Variants in TBC1D8 observed in about 807,000 individuals in gnomAD.
TBC1D8 encodes BUB2-like protein 1.
A neutral mutation model predicts 118.8 loss-of-function variants in TBC1D8; 65 were observed. The observed-to-expected ratio is 0.55, with a 90% CI of 0.45 to 0.67. The LOEUF (loss-of-function observed/expected upper bound fraction) is 0.67, where lower values mean the gene tolerates loss of function less well. TBC1D8 is among the 30% of genes least tolerant of loss of function. TBC1D8 has a pLI of 0.00. For synonymous variants in TBC1D8, 566 were observed against 595.8 expected (o/e 0.95, Z 0.73); for missense variants, 1,376 against 1,471.2 (o/e 0.94, Z 1.06).
chr2:101,085,565 G>A (rs1186145537), intron 2 of TBC1D8, among the ~76,000 whole-genome samples: 2 of 152,124 alleles, frequency 1.3e-5, no homozygotes, highest in South Asian at 2.1e-4. Flanking sequence ...CCGGGATAAC[G>A]ATGCCCAAGC....
intron 1 of TBC1D8, among the ~76,000 whole-genome samples, chr2:101,110,703 G>A (rs930222377): frequency 6.6e-6 from 1 of 152,128 alleles, no homozygotes; most frequent in African/African-American, 2.4e-5. Flanking sequence ...CAGGCCAGGC[G>A]CGGTGTCTCA....
intron 15 of TBC1D8, among the ~76,000 whole-genome samples, chr2:101,023,346 GT>G (rs1680155527): frequency 6.6e-6 from 1 of 151,746 alleles, no homozygotes; most frequent in South Asian, 2.1e-4. Flanking sequence ...GGGTTTCACC[GT>G]GTCAGCCAGG....
At chr2:101,150,990 C>T in intron 1 of TBC1D8, 137 bp downstream of exon 1, 1 of 602,816 alleles carries the variant, frequency 1.7e-6, no homozygotes, top group Non-Finnish European at 2.1e-6. Flanking sequence ...GAAAACAAGC[C>T]CGCGGCAGGG....
chr2:101,073,360 T>G (rs1674597873), intron 2 of TBC1D8, among the ~76,000 whole-genome samples: 1 of 151,210 alleles, frequency 6.6e-6, no homozygotes, highest in Non-Finnish European at 1.5e-5. Flanking sequence ...AGTGCCACGA[T>G]CTCGGCTCAC....
chr2:101,010,785 G>C, intron 19 of TBC1D8, 144 bp downstream of exon 19: 1 of 623,980 alleles, frequency 1.6e-6, no homozygotes, highest in South Asian at 1.9e-5. Context: ...AGGAGGCTGA[G>C]GCAGGAGAAC....
Position 101,054,194 on chromosome 2 carries a change from C to T in TBC1D8, c.545G>A (p.Cys182Tyr), listed in dbSNP as rs1035572534. ...EKLVTYYSCC[C>Y]WKGRVPRQGW... Reference sequence around the variant, plus strand: ...CTGGCGGGGCACCCTGCCCTTCCAACAGCAGCAGGAGTAGTAGGTGACCAG... The same window carrying T: ...CTGGCGGGGCACCCTGCCCTTCCAATAGCAGCAGGAGTAGTAGGTGACCAG... Residue 182 changes from cysteine to tyrosine, a missense_variant, in exon 4 of 20, where the codon TGT (cysteine) becomes TAT (tyrosine). By Grantham distance (194) the Cys-to-Tyr change is radical (BLOSUM62 -2). Coordinates refer to ENST00000409318, the MANE Select transcript of TBC1D8 (RefSeq NM_001330348.2). The T allele has an allele frequency of 1.9e-6, 3 of 1,613,164 alleles. No homozygotes were observed. The highest frequency in any genetic ancestry group is 1.3e-5 in the African/African-American group (1 of 74,934).
rs758001242 is a variant in TBC1D8 at position 101,028,362 on chromosome 2, C to A, written c.2293G>T (p.Asp765Tyr). Residue 765 changes from aspartate (D) to tyrosine (Y), a missense_variant, in exon 13 of 20, where the codon GAC (aspartate) becomes TAC (tyrosine). Physicochemically the swap from Asp to Tyr is radical, Grantham distance 160. Transcript: ENST00000409318. Reference protein sequence around the residue: ...PVGSHHAFFSDDQEPYPVTDI... With the variant: ...PVGSHHAFFSYDQEPYPVTDI... ...GTCACAGGGTAGGGCTCCTGGTCGT[C>A]GGAGAAAAAGGCATGGTGGCTGCCA... 1.2e-6 allele frequency: 2 copies of A among 1,611,928 alleles called. No homozygotes were observed.
At chr2:101,118,476 C>G (rs1444967654) in intron 1 of TBC1D8, among the ~76,000 whole-genome samples, 2 of 147,584 alleles carry the variant, frequency 1.4e-5, no homozygotes, top group Non-Finnish European at 3.0e-5. Flanking sequence ...GCGGGTGGAT[C>G]ACAAGGTCAG....
At chr2:101,106,693 T>C (rs111470104) in intron 1 of TBC1D8, among the ~76,000 whole-genome samples, 1,719 of 152,314 alleles carry the variant, frequency 0.011, 33 homozygotes, top group African/African-American at 0.039. Context: ...AAACCATCCT[T>C]TGAATTTTGA....
intron 2 of TBC1D8, among the ~76,000 whole-genome samples, chr2:101,079,987 C>T (rs1675157451): frequency 6.6e-6 from 1 of 151,880 alleles, no homozygotes; most frequent in African/African-American, 2.4e-5. Flanking sequence ...CGCCCAGCCC[C>T]AACCAGGTCC....
intron 1 of TBC1D8, among the ~76,000 whole-genome samples, chr2:101,135,430 A>T (rs1246865951): frequency 6.6e-6 from 1 of 152,012 alleles, no homozygotes; most frequent in Non-Finnish European, 1.5e-5. Context: ...AAAAAAAAAA[A>T]TGCCACCACC....
chr2:101,149,106 C>T (rs1339320212), intron 1 of TBC1D8, among the ~76,000 whole-genome samples: 1 of 152,202 alleles, frequency 6.6e-6, no homozygotes, highest in Non-Finnish European at 1.5e-5. Flanking sequence ...CCAAGAAATA[C>T]ATCAAGTGTC....
intron 1 of TBC1D8, among the ~76,000 whole-genome samples, chr2:101,108,061 A>G (rs1161272514): frequency 6.7e-6 from 1 of 149,748 alleles, no homozygotes; most frequent in Non-Finnish European, 1.5e-5. Flanking sequence ...GTCTCAAAAA[A>G]TAATAGAAAG....
At chr2:101,017,250 C>T (rs1679720684) in intron 17 of TBC1D8, among the ~76,000 whole-genome samples, 1 of 151,966 alleles carries the variant, frequency 6.6e-6, no homozygotes, top group Non-Finnish European at 1.5e-5. Flanking sequence ...GAAGGACCTG[C>T]CTGAGGCTGT....
chr2:101,120,517 G>A (rs1678053873), intron 1 of TBC1D8, among the ~76,000 whole-genome samples: 1 of 152,182 alleles, frequency 6.6e-6, no homozygotes, highest in African/African-American at 2.4e-5. Flanking sequence ...AACGAAGCAG[G>A]GACCTTTGTT....
At chr2:101,115,368 T>A (rs1212657905) in intron 1 of TBC1D8, among the ~76,000 whole-genome samples, 1 of 152,248 alleles carries the variant, frequency 6.6e-6, no homozygotes, top group Non-Finnish European at 1.5e-5. Context: ...CATGGACGTC[T>A]CTTTATTAGC....
intron 2 of TBC1D8, among the ~76,000 whole-genome samples, chr2:101,059,894 G>T (rs972900064): frequency 2.6e-5 from 4 of 152,086 alleles, no homozygotes; most frequent in African/African-American, 9.7e-5. Context: ...AGCCGAGATG[G>T]CATCACTGCA....
At chr2:101,042,444 ACTCTGTAAC>A (rs1431464714) in intron 5 of TBC1D8, among the ~76,000 whole-genome samples, 1 of 152,106 alleles carries the variant, frequency 6.6e-6, no homozygotes, top group East Asian at 1.9e-4. Flanking sequence ...TTGCTTATGT[ACTCTGTAAC>A]CCCGAATGAG....
intron 1 of TBC1D8, among the ~76,000 whole-genome samples, chr2:101,126,700 G>A (rs1678372901): frequency 6.6e-6 from 1 of 152,170 alleles, no homozygotes; most frequent in Non-Finnish European, 1.5e-5. Context: ...AGCAATAAAT[G>A]TTTCTCAAAA....
Sources: gnomAD v4.1 joint callset for allele counts (sites outside exome capture counted in the v4.1 genomes callset) on GRCh38, gnomAD v4.1.1 for gene constraint, MANE v1.5 for transcripts, NCBI Gene and HGNC (gene_info 2026-07-23, HGNC 2026-07-21) for gene names.